PUS10: variants seen among roughly 807,000 people sequenced by gnomAD.
PUS10 encodes the protein tRNA pseudouridine synthase Pus10.
Under a neutral mutation model 75.0 loss-of-function variants are expected in PUS10, and 59 were observed. That is an observed-to-expected ratio of 0.79 (90% CI 0.64 to 0.98). The LOEUF is 0.98. PUS10 is among the 50% of genes least tolerant of loss of function. The pLI is 0.00. For synonymous variants in PUS10, 219 were observed against 211.6 expected (o/e 1.03, Z -0.30); for missense variants, 650 against 614.4 (o/e 1.06, Z -0.61).
chr2:60,966,952 AG>A, intron 6 of PUS10: 1 of 152,518 alleles, frequency 6.6e-6, no homozygotes, highest in South Asian at 2.1e-4. Context: ...CTTCCCTGAA[AG>A]TCAACCCATT....
At chr2:60,966,697 A>C (rs1391969756) in intron 6 of PUS10, 2 of 152,206 alleles carry the variant, frequency 1.3e-5, no homozygotes, top group Non-Finnish European at 2.9e-5. Context: ...TTTATTCTCT[A>C]TTCTCTCAAT....
chr2:60,948,140 T>C lies in PUS10; in HGVS notation c.1354A>G (p.Arg452Gly), dbSNP rs768973444. 1 of 1,614,116 alleles carries C rather than the reference T, an allele frequency of 6.2e-7. No individual in the cohort carries two copies. Among genetic ancestry groups the C allele is most frequent in the Admixed American group, 1.7e-5 (1 of 60,012 alleles). Residue 452 changes from arginine to glycine, a missense_variant, in exon 16 of 18, where the codon AGG (arginine) becomes GGG (glycine). Transcript: ENST00000316752. The part of the protein sequence containing the change: ...QKTPLRVLHR[R>G]PLAVRARVIH... The stretch of plus-strand genomic sequence containing the variant: ...ACGCGAGCTCGCACAGCCAGGGGCC[T>C]TCGGTGAAGGACGCGCAAAGGTGTT...
At chr2:61,005,673 T>TATC (rs1169181782) in intron 4 of PUS10, among the ~76,000 whole-genome samples, 5 of 152,192 alleles carry the variant, frequency 3.3e-5, no homozygotes, top group South Asian at 2.1e-4. Context: ...AGCCCAGTTA[T>TATC]ATCATCATCA....
At chr2:60,993,740 G>A (rs1440120310) in intron 4 of PUS10, among the ~76,000 whole-genome samples, 1 of 152,034 alleles carries the variant, frequency 6.6e-6, no homozygotes, top group Non-Finnish European at 1.5e-5. Flanking sequence ...AATATTTGGA[G>A]CAGTAAAACC....
intron 15 of PUS10, among the ~76,000 whole-genome samples, chr2:60,952,452 G>A (rs1246600883): frequency 2.0e-5 from 3 of 152,078 alleles, no homozygotes; most frequent in Non-Finnish European, 4.4e-5. Flanking sequence ...CTCAGGTATA[G>A]GAAAATGTCA....
intron 4 of PUS10, among the ~76,000 whole-genome samples, chr2:60,996,490 A>AT (rs1678470071): frequency 6.6e-6 from 1 of 152,132 alleles, no homozygotes; most frequent in African/African-American, 2.4e-5. Flanking sequence ...TCATGAGTGT[A>AT]TGGCTTAATA....
At chr2:60,958,325 G>T (rs928321830) in intron 11 of PUS10, among the ~76,000 whole-genome samples, 9 of 152,142 alleles carry the variant, frequency 5.9e-5, no homozygotes, top group African/African-American at 1.9e-4. Context: ...TTACTGCTAA[G>T]ATTTTGGAAA....
intron 17 of PUS10, 33 bp from the exon 18 acceptor site, chr2:60,942,466 T>C (rs1558848259): frequency 1.3e-6 from 2 of 1,556,154 alleles, no homozygotes; most frequent in Non-Finnish European, 1.8e-6. Flanking sequence ...TTAAAACAGA[T>C]ATTACTGTTG....
At chr2:60,990,864 C>G (rs923936700) in intron 4 of PUS10, among the ~76,000 whole-genome samples, 2 of 152,172 alleles carry the variant, frequency 1.3e-5, no homozygotes, top group South Asian at 4.1e-4. Flanking sequence ...CCCACCTCAG[C>G]CTCCTGAGTA....
intron 4 of PUS10, among the ~76,000 whole-genome samples, chr2:61,003,480 T>A (rs1164418803): frequency 1.3e-5 from 2 of 148,602 alleles, no homozygotes; most frequent in African/African-American, 5.0e-5. Flanking sequence ...AAAAAAAAAA[T>A]TGCTGTCATC....
At chr2:60,997,030 C>G (rs1379996335) in intron 4 of PUS10, among the ~76,000 whole-genome samples, 1 of 152,162 alleles carries the variant, frequency 6.6e-6, no homozygotes, top group African/African-American at 2.4e-5. Context: ...AGCTGATCAC[C>G]AAGGTCTCAT....
At chr2:61,007,898 C>T (rs951641352) in intron 3 of PUS10, among the ~76,000 whole-genome samples, 3 of 150,110 alleles carry the variant, frequency 2.0e-5, no homozygotes, top group South Asian at 2.1e-4. Context: ...CTGGCTAACA[C>T]GGTGAAACCC....
intron 5 of PUS10, among the ~76,000 whole-genome samples, chr2:60,970,309 A>G (rs951400760): frequency 6.6e-6 from 1 of 152,222 alleles, no homozygotes; most frequent in Non-Finnish European, 1.5e-5. Flanking sequence ...ATGCAGATAT[A>G]TAACACAAAA....
intron 17 of PUS10, among the ~76,000 whole-genome samples, chr2:60,943,720 G>T (rs1674760448): frequency 6.6e-6 from 1 of 151,662 alleles, no homozygotes. Context: ...AAATTAATGA[G>T]TGTTTTCTCA....
intron 4 of PUS10, among the ~76,000 whole-genome samples, chr2:60,992,332 A>G (rs1375809167): frequency 6.6e-6 from 1 of 152,060 alleles, no homozygotes; most frequent in Non-Finnish European, 1.5e-5. Context: ...ACCTTAATAC[A>G]TGTCTACATT....
At position 61,011,753 on chromosome 2, in the gene PUS10, A is replaced by G; in HGVS notation, c.126+12T>C. The G allele has an allele frequency of 1.3e-6, 2 of 1,508,562 alleles. No homozygotes were observed. Among genetic ancestry groups the G allele is most frequent in the South Asian group, 1.3e-5 (1 of 76,320 alleles). 93.4% of individuals were successfully genotyped at this position (1,508,562 alleles called of 1,614,324 possible). A position where few individuals can be genotyped will look rare whatever the true frequency, so the allele number is the denominator to read the frequency against. On this transcript the variant is annotated intron_variant, in intron 2 of 17. Transcript: ENST00000316752. ...CTTAATTTGAAAAAAAAAAAAAAAGAAAAGAAAATACCTTGTATGGAAGTT... is the reference window on the plus strand; with the variant it reads ...CTTAATTTGAAAAAAAAAAAAAAAGGAAAGAAAATACCTTGTATGGAAGTT...
At chr2:60,983,401 G>A (rs549322504) in intron 4 of PUS10, among the ~76,000 whole-genome samples, 17 of 152,186 alleles carry the variant, frequency 1.1e-4, no homozygotes, top group African/African-American at 4.1e-4. Flanking sequence ...AGGATAGGCT[G>A]GGCGCGGTGG....
At chr2:60,988,025 G>C (rs1311333936) in intron 4 of PUS10, among the ~76,000 whole-genome samples, 1 of 151,522 alleles carries the variant, frequency 6.6e-6, no homozygotes, top group Non-Finnish European at 1.5e-5. Context: ...GGAGGAGGAG[G>C]GTGCAGTGAG....
chr2:60,998,517 C>T lies in PUS10; in HGVS notation c.468+8040G>A, dbSNP rs764834850. On this transcript the variant is annotated intron_variant, in intron 4 of 17. Transcript: ENST00000316752. ...CAGCCTGGCCAACATGGCGAAACCCCGTCTCTACTAAAAATACAAAAATTA... is the reference window on the plus strand; with the variant it reads ...CAGCCTGGCCAACATGGCGAAACCCTGTCTCTACTAAAAATACAAAAATTA... 6.0e-4 allele frequency among the ~76,000 whole-genome samples: 91 copies of T among 152,166 alleles called. 2 individuals carry two copies. Among genetic ancestry groups the T allele is most frequent in the Admixed American group, 1.2e-3 (18 of 15,282 alleles).
Sources: gnomAD v4.1 joint callset for allele counts (sites outside exome capture counted in the v4.1 genomes callset) on GRCh38, gnomAD v4.1.1 for gene constraint, MANE v1.5 for transcripts, NCBI Gene and HGNC (gene_info 2026-07-23, HGNC 2026-07-21) for gene names.